The following CSMD2 variants were observed in gnomAD, a reference collection of about 807,000 sequenced individuals.
CSMD2 encodes CUB and Sushi multiple domains 2, also known as CUB and sushi domain-containing protein 2.
A neutral mutation model predicts 398.5 loss-of-function variants in CSMD2; 130 were observed. The ratio of observed to expected loss-of-function variants is 0.33; its 90% confidence interval spans 0.28 to 0.38. The LOEUF (loss-of-function observed/expected upper bound fraction) is 0.38, where lower values mean the gene tolerates loss of function less well. CSMD2 is among the 10% of genes least tolerant of loss of function. CSMD2 has a pLI of 1.00. For synonymous variants in CSMD2, 1,828 were observed against 1,908.5 expected, an observed-to-expected ratio of 0.96 and a Z score of 1.10; for missense variants, 3,829 against 4,764.9, an observed-to-expected ratio of 0.80 and a Z score of 5.78.
intron 6 of CSMD2, chr1:33,839,884 G>T: frequency 6.5e-6 from 1 of 154,272 alleles, no homozygotes. Flanking sequence ...TTCAGGTGTT[G>T]AAGGATCACC....
intron 4 of CSMD2, among the ~76,000 whole-genome samples, chr1:33,927,451 G>A (rs551884758): frequency 2.1e-4 from 32 of 152,288 alleles, no homozygotes; most frequent in African/African-American, 7.2e-4. Flanking sequence ...CAGGCATTGT[G>A]CAAAATGCTT....
intron 1 of CSMD2, among the ~76,000 whole-genome samples, chr1:34,119,836 C>T (rs930757488): frequency 1.3e-5 from 2 of 152,060 alleles, no homozygotes; most frequent in Non-Finnish European, 2.9e-5. Flanking sequence ...TAAAATGGTA[C>T]AGCTGCTATA....
chr1:33,726,450 G>T, intron 16 of CSMD2, 97 bp downstream of exon 16: 1 of 1,376,414 alleles, frequency 7.3e-7, no homozygotes, highest in Non-Finnish European at 9.9e-7. Flanking sequence ...ACATTTCAGC[G>T]TTGGTACTGG....
rs376164504 is a variant in CSMD2, at chr1:33,762,852, G to T, written c.1846+9717C>A. On this transcript the variant is annotated intron_variant, in intron 13 of 70. Coordinates refer to ENST00000373381, the MANE Select transcript of CSMD2 (RefSeq NM_001281956.2). ...TCATCTTCATCACTTGCCCGGTGCTGAGTGTAATGGCCAGTACATAGTACC... is the reference window on the plus strand; with the variant it reads ...TCATCTTCATCACTTGCCCGGTGCTTAGTGTAATGGCCAGTACATAGTACC... 2.6e-5 allele frequency among the ~76,000 whole-genome samples: 4 copies of T among 152,328 alleles called. No homozygotes were observed. In the East Asian group the frequency reaches 7.7e-4, roughly 29 times the overall value.
chr1:33,916,871 G>T (rs1359068474), intron 5 of CSMD2, among the ~76,000 whole-genome samples: 1 of 152,092 alleles, frequency 6.6e-6, no homozygotes, highest in East Asian at 1.9e-4. Flanking sequence ...CACTCAACTG[G>T]TGTTCCTACC....
intron 5 of CSMD2, among the ~76,000 whole-genome samples, chr1:33,847,945 T>A (rs1416158102): frequency 1.3e-5 from 2 of 152,184 alleles, no homozygotes; most frequent in Non-Finnish European, 2.9e-5. Context: ...CCATTCTTCA[T>A]CTTGATTTCC....
At chr1:33,701,525 A>G (rs767000528) in intron 22 of CSMD2, among the ~76,000 whole-genome samples, 7 of 152,258 alleles carry the variant, frequency 4.6e-5, no homozygotes, top group Non-Finnish European at 7.3e-5. Context: ...TGAGTGGGTG[A>G]TGAATATTTG....
At chr1:34,110,513 T>TAA (rs577103958) in intron 1 of CSMD2, among the ~76,000 whole-genome samples, 3 of 147,788 alleles carry the variant, frequency 2.0e-5, no homozygotes, top group African/African-American at 7.5e-5. Flanking sequence ...TATCCAGCCA[T>TAA]AAAAAAAAAA....
chr1:34,152,466 C>T (rs1446364253), intron 1 of CSMD2, among the ~76,000 whole-genome samples: 1 of 152,190 alleles, frequency 6.6e-6, no homozygotes, highest in African/African-American at 2.4e-5. Context: ...TCCCCCTTCT[C>T]CAAATCCTCC....
intron 13 of CSMD2, among the ~76,000 whole-genome samples, chr1:33,769,535 T>TA (rs1157720952): frequency 1.3e-5 from 2 of 151,952 alleles, no homozygotes; most frequent in Non-Finnish European, 2.9e-5. Flanking sequence ...AAACCTAAAT[T>TA]AAAAAAAGAC....
intron 3 of CSMD2, among the ~76,000 whole-genome samples, chr1:34,010,888 G>T (rs1459457569): frequency 2.6e-5 from 4 of 152,204 alleles, no homozygotes; most frequent in African/African-American, 9.6e-5. Context: ...GCCTCCCAGA[G>T]TGCTGGGATT....
intron 3 of CSMD2, among the ~76,000 whole-genome samples, chr1:34,020,658 T>C (rs535927459): frequency 6.6e-6 from 1 of 152,176 alleles, no homozygotes; most frequent in East Asian, 1.9e-4. Context: ...CCAGACTGAT[T>C]TTTAAATTGT....
intron 6 of CSMD2, among the ~76,000 whole-genome samples, chr1:33,844,315 C>T (rs1005521455): frequency 2.6e-5 from 4 of 152,000 alleles, no homozygotes; most frequent in African/African-American, 4.8e-5. Flanking sequence ...GGCTGCTGGT[C>T]CCTGTGGCTC....
chr1:33,937,101 A>G (rs1644504551), intron 3 of CSMD2, among the ~76,000 whole-genome samples: 1 of 152,212 alleles, frequency 6.6e-6, no homozygotes, highest in African/African-American at 2.4e-5. Flanking sequence ...CCTTCCTTAT[A>G]TCAAAATAAT....
intron 22 of CSMD2, among the ~76,000 whole-genome samples, chr1:33,707,859 T>A (rs1645857868): frequency 1.3e-5 from 2 of 152,290 alleles, no homozygotes; most frequent in South Asian, 4.2e-4. Context: ...CATGGAAATT[T>A]AATGGTTTAT....
chr1:33,831,037 G>A (rs1384854044), intron 6 of CSMD2, among the ~76,000 whole-genome samples: 2 of 152,328 alleles, frequency 1.3e-5, no homozygotes, highest in East Asian at 3.9e-4. Flanking sequence ...ACGTCTGATT[G>A]GTGTACCTGA....
chr1:33,567,478 C>CATATATATAT (rs774765893), intron 53 of CSMD2, 115 bp downstream of exon 53: 114 of 469,656 alleles, frequency 2.4e-4, no homozygotes, highest in East Asian at 6.2e-4. Context: ...AAATAGCAAT[C>CATATATATAT]ATATATATAT....
chr1:34,015,409 T>C (rs1049837927), intron 3 of CSMD2, among the ~76,000 whole-genome samples: 1 of 152,238 alleles, frequency 6.6e-6, no homozygotes, highest in Admixed American at 6.5e-5. Flanking sequence ...CTTATCCTAT[T>C]GTCCCAGCAG....
intron 27 of CSMD2, among the ~76,000 whole-genome samples, chr1:33,657,631 A>G (rs544710860): frequency 6.6e-6 from 1 of 152,308 alleles, no homozygotes; most frequent in South Asian, 2.1e-4. Flanking sequence ...ATTACCCAAG[A>G]TGACCCACTG....
Sources: allele counts gnomAD v4.1 joint callset (sites outside exome capture counted in the v4.1 genomes callset), GRCh38; gene constraint gnomAD v4.1.1; transcripts MANE v1.5; gene names NCBI Gene and HGNC (gene_info 2026-07-23, HGNC 2026-07-21).